The following ANKS1B variants were observed in gnomAD, a reference collection of about 807,000 sequenced individuals.
The protein encoded by ANKS1B is ankyrin repeat and sterile alpha motif domain-containing protein 1B.
ANKS1B carries 36 observed loss-of-function variants against 148.3 expected under a neutral mutation model. The observed-to-expected ratio is 0.24, with a 90% CI of 0.19 to 0.32. ANKS1B has a LOEUF of 0.32. Among genes scored for constraint, ANKS1B ranks in the 10% least tolerant of loss-of-function variants. ANKS1B has a pLI of 1.00. For missense variants in ANKS1B, 1,157 were observed against 1,542.6 expected, an observed-to-expected ratio of 0.75 and a Z score of 4.19; for synonymous variants, 542 against 560.8, an observed-to-expected ratio of 0.97 and a Z score of 0.47.
intron 14 of ANKS1B, among the ~76,000 whole-genome samples, chr12:99,226,747 G>C (rs949095270): frequency 1.3e-5 from 2 of 152,116 alleles, no homozygotes; most frequent in African/African-American, 4.8e-5. Context: ...TGAACCAAAG[G>C]AAGACTAAGA....
At chr12:99,103,194 C>T (rs1167520939) in intron 15 of ANKS1B, among the ~76,000 whole-genome samples, 1 of 152,106 alleles carries the variant, frequency 6.6e-6, no homozygotes, top group East Asian at 1.9e-4. Context: ...CTTCTGCTAT[C>T]CTTGGCATGT....
intron 12 of ANKS1B, among the ~76,000 whole-genome samples, chr12:99,330,528 A>G (rs1436900735): frequency 6.6e-6 from 1 of 151,992 alleles, no homozygotes; most frequent in South Asian, 2.1e-4. Context: ...CAAATATTAC[A>G]TTTCCCTCCA....
intron 17 of ANKS1B, among the ~76,000 whole-genome samples, chr12:98,939,166 A>G (rs2099830060): frequency 1.3e-5 from 2 of 152,220 alleles, no homozygotes; most frequent in South Asian, 4.1e-4. Flanking sequence ...ACAAGTTTCT[A>G]TGAAGATGTT....
intron 24 of ANKS1B, among the ~76,000 whole-genome samples, chr12:98,778,152 G>A (rs2098698972): frequency 1.3e-5 from 2 of 152,194 alleles, no homozygotes; most frequent in Non-Finnish European, 2.9e-5. Flanking sequence ...GGAGAGTACT[G>A]TTGAAGAATA....
In ANKS1B at chr12:99,871,145, G is replaced by A. The variant is rs140949703; in HGVS notation, c.135-45756C>T. On this transcript the variant is annotated intron_variant, in intron 1 of 26. Transcript: ENST00000683438. ...TTCATTCTTCTGCATATAGCTAGCT[G>A]GCTATCCCAGCACTATTTGTTGAAT... Among the ~76,000 whole-genome samples the A allele has an allele frequency of 3.7e-3, 559 of 152,158 alleles. 1 individual carries two copies. Among genetic ancestry groups the A allele is most frequent in the African/African-American group, 0.013 (521 of 41,526 alleles).
chr12:98,903,824 T>A (rs2099775367), intron 17 of ANKS1B, among the ~76,000 whole-genome samples: 1 of 152,088 alleles, frequency 6.6e-6, no homozygotes, highest in African/African-American at 2.4e-5. Flanking sequence ...AATGAAAGAG[T>A]CACTCAATCA....
intron 17 of ANKS1B, among the ~76,000 whole-genome samples, chr12:99,000,043 A>T (rs116353078): frequency 9.2e-5 from 14 of 152,210 alleles, no homozygotes; most frequent in African/African-American, 3.4e-4. Context: ...CTTATGTTGG[A>T]ATGTCCAGTA....
Position 98,744,903 on chromosome 12 carries a change from C to G in ANKS1B, c.*836G>C. Reference sequence around the variant, plus strand: ...CCGGGCCTCCTGCTCTAGGGAGCATCACCAGTATTTTGCCACCACTGAGCC... The same window carrying G: ...CCGGGCCTCCTGCTCTAGGGAGCATGACCAGTATTTTGCCACCACTGAGCC... On this transcript the variant is annotated 3_prime_UTR_variant, in exon 27 of 27. Coordinates refer to ENST00000683438, the MANE Select transcript of ANKS1B (RefSeq NM_001352186.2). 1.0e-6 allele frequency: 1 copy of G among 985,640 alleles called. No individual in the cohort carries two copies. Among genetic ancestry groups the G allele is most frequent in the African/African-American group, 1.7e-5 (1 of 57,260 alleles). 61.1% of individuals were successfully genotyped at this position (985,640 alleles called of 1,614,324 possible).
At chr12:99,353,629 G>A (rs2091677329) in intron 12 of ANKS1B, among the ~76,000 whole-genome samples, 1 of 151,924 alleles carries the variant, frequency 6.6e-6, no homozygotes, top group African/African-American at 2.4e-5. Flanking sequence ...TGTCAATAAT[G>A]TTGCTATTAT....
intron 16 of ANKS1B, among the ~76,000 whole-genome samples, chr12:99,075,940 T>C (rs2153601106): frequency 6.6e-6 from 1 of 150,458 alleles, no homozygotes; most frequent in East Asian, 1.9e-4. Flanking sequence ...TGTTATACAA[T>C]ATAGCATGTA....
chr12:99,646,949 G>A (rs563385069), intron 9 of ANKS1B, among the ~76,000 whole-genome samples: 37 of 150,152 alleles, frequency 2.5e-4, no homozygotes, highest in African/African-American at 8.3e-4. Context: ...ACAGTTTGAG[G>A]GTGAGTCAAA....
chr12:99,680,433 CA>C (rs199819732), intron 8 of ANKS1B, among the ~76,000 whole-genome samples: 75 of 143,198 alleles, frequency 5.2e-4, no homozygotes, highest in Admixed American at 6.9e-4. Flanking sequence ...AAGACTCTGT[CA>C]AAAAAAAAAA....
At chr12:99,244,692 T>C (rs2089969839) in intron 13 of ANKS1B, among the ~76,000 whole-genome samples, 2 of 152,216 alleles carry the variant, frequency 1.3e-5, no homozygotes, top group South Asian at 4.1e-4. Flanking sequence ...AGATTGGTCA[T>C]TTAGGAACTG....
intron 1 of ANKS1B, among the ~76,000 whole-genome samples, chr12:99,979,641 T>TG (rs2095669492): frequency 6.6e-6 from 1 of 152,078 alleles, no homozygotes; most frequent in Non-Finnish European, 1.5e-5. Flanking sequence ...TACTAGGAAT[T>TG]ACCAATGGCT....
At chr12:99,479,966 A>G (rs1287475107) in intron 10 of ANKS1B, among the ~76,000 whole-genome samples, 1 of 151,904 alleles carries the variant, frequency 6.6e-6, no homozygotes, top group Non-Finnish European at 1.5e-5. Flanking sequence ...CCATTCCATT[A>G]TGTATACATA....
chr12:98,784,467 TA>T (rs2098770018), intron 22 of ANKS1B, among the ~76,000 whole-genome samples: 1 of 152,188 alleles, frequency 6.6e-6, no homozygotes, highest in African/African-American at 2.4e-5. Flanking sequence ...ATGGTGTGCC[TA>T]CCACAGTGGC....
intron 9 of ANKS1B, among the ~76,000 whole-genome samples, chr12:99,621,420 G>A (rs1198033590): frequency 1.3e-5 from 2 of 148,482 alleles, no homozygotes; most frequent in South Asian, 2.1e-4. Context: ...AATATATATT[G>A]TCTAAATACC....
chr12:99,299,606 T>C, intron 12 of ANKS1B, among the ~76,000 whole-genome samples: 1 of 152,200 alleles, frequency 6.6e-6, no homozygotes, highest in East Asian at 1.9e-4. Context: ...TTGTGGTTGC[T>C]GTTGTAACTA....
chr12:99,224,446 C>A (rs1034334819), intron 14 of ANKS1B, among the ~76,000 whole-genome samples: 1 of 152,020 alleles, frequency 6.6e-6, no homozygotes, highest in Non-Finnish European at 1.5e-5. Flanking sequence ...GCTGTTCTTA[C>A]GATAGTGAGT....
Sources: allele counts gnomAD v4.1 joint callset (sites outside exome capture counted in the v4.1 genomes callset), GRCh38; gene constraint gnomAD v4.1.1; transcripts MANE v1.5; gene names NCBI Gene and HGNC (gene_info 2026-07-23, HGNC 2026-07-21).